The following RADIL variants were observed in gnomAD, a reference collection of about 807,000 sequenced individuals.
RADIL encodes the protein Rap associating with DIL domain.
In RADIL, 99 loss-of-function variants were observed where a neutral mutation model predicts 97.6. The ratio of observed to expected loss-of-function variants is 1.01; its 90% CI spans 0.86 to 1.20. The LOEUF is 1.20. Ranked by LOEUF, RADIL falls within the 50% of genes most tolerant of loss-of-function variation. RADIL has a pLI of 0.00. For synonymous variants in RADIL, 803 were observed against 691.8 expected, an observed-to-expected ratio of 1.16 and a Z score of -2.52; for missense variants, 1,765 against 1,498.9, an observed-to-expected ratio of 1.18 and a Z score of -2.93.
chr7:4,861,582 T>C (rs1783999038), intron 2 of RADIL: 1 of 1,613,510 alleles, frequency 6.2e-7, no homozygotes, highest in Non-Finnish European at 8.5e-7. Context: ...ATTTCGCGTA[T>C]CCATTCCTTT....
chr7:4,802,782 C>T (rs1327190582), intron 11 of RADIL, among the ~76,000 whole-genome samples: 1 of 116,730 alleles, frequency 8.6e-6, no homozygotes, highest in African/African-American at 3.6e-5. Flanking sequence ...CTGGGGGGCC[C>T]CCTCCCCAGA....
intron 2 of RADIL, among the ~76,000 whole-genome samples, chr7:4,868,628 C>T (rs1055046852): frequency 3.9e-5 from 6 of 152,182 alleles, no homozygotes; most frequent in Non-Finnish European, 8.8e-5. Flanking sequence ...GGATGTTTTG[C>T]CGTTTTCTTG....
chr7:4,879,874 T>C lies in RADIL; in HGVS notation c.-64-1671A>G, dbSNP rs1784449458. Among the ~76,000 whole-genome samples, 1 of 152,204 alleles carries C rather than the reference T, an allele frequency of 6.6e-6. No homozygotes were observed. Among genetic ancestry groups the C allele is most frequent in the Non-Finnish European group, 1.5e-5 (1 of 68,044 alleles). Reference sequence around the variant, plus strand: ...CTCTCACTGCCCGCCAGAGCTGTCATGGGTGAGTCCTGAAATCAGACCACC... The same window carrying C: ...CTCTCACTGCCCGCCAGAGCTGTCACGGGTGAGTCCTGAAATCAGACCACC... On this transcript the variant is annotated intron_variant, in intron 1 of 14. Coordinates refer to ENST00000399583, the MANE Select transcript of RADIL (RefSeq NM_018059.5). This position sits in a 1 kb window ranked among gnomAD's most constrained non-coding sequence, Gnocchi z 4.1.
rs1372034113 is a variant in RADIL, at chr7:4,819,933, A to G, written c.1615+2461T>C. ...AAAGGCAGCAGCTCCAACAGCCCAG[A>G]GCAATTTTTCCCATGAAGAGCAGCC... is the stretch of plus-strand genomic sequence containing the variant. On this transcript the variant is annotated intron_variant, in intron 6 of 14. Transcript: ENST00000399583. The surrounding 1 kb of genome is among the most constrained non-coding windows in gnomAD (Gnocchi z 5.8). Among the ~76,000 whole-genome samples the G allele has an allele frequency of 1.3e-5, 2 of 152,192 alleles. No homozygotes were observed. The highest frequency in any genetic ancestry group is 2.4e-5 in the African/African-American group (1 of 41,460).
intron 2 of RADIL, among the ~76,000 whole-genome samples, chr7:4,839,726 A>G (rs1783395264): frequency 6.6e-6 from 1 of 152,110 alleles, no homozygotes; most frequent in African/African-American, 2.4e-5. Context: ...GTAACTGATG[A>G]TACTTTATTT....
At chr7:4,820,149 G>GA (rs1477080312) in intron 6 of RADIL, among the ~76,000 whole-genome samples, 1 of 152,266 alleles carries the variant, frequency 6.6e-6, no homozygotes, top group Admixed American at 6.5e-5. Context: ...CTGTCACACG[G>GA]AAGGACCAAG....
At chr7:4,828,684 A>C (rs750689050) in intron 5 of RADIL, among the ~76,000 whole-genome samples, 4 of 152,168 alleles carry the variant, frequency 2.6e-5, no homozygotes, top group East Asian at 1.9e-4. Context: ...ATCACGGGGG[A>C]GTGACAGATT....
rs368958917 is a variant in RADIL, at chr7:4,842,404, G to A, written c.536-5799C>T. The stretch of plus-strand genomic sequence containing the variant: ...AACTCACTCCTGGAGGAAGCGGCGA[G>A]GGAGACAGCATGCAGCCACAGCCAC... On this transcript the variant is annotated intron_variant, in intron 2 of 14. Coordinates refer to ENST00000399583, the MANE Select transcript of RADIL (RefSeq NM_018059.5). The surrounding 1 kb of genome is among the most constrained non-coding windows in gnomAD (Gnocchi z 4.5). 6.6e-6 allele frequency among the ~76,000 whole-genome samples: 1 copy of A among 152,156 alleles called. No individual in the cohort carries two copies. The highest frequency in any genetic ancestry group is 2.4e-5 in the African/African-American group (1 of 41,442).
chr7:4,879,867 G>T lies in RADIL; in HGVS notation c.-64-1664C>A, dbSNP rs1303942984. Reference sequence around the variant, plus strand: ...CTGGAGCCTCTCACTGCCCGCCAGAGCTGTCATGGGTGAGTCCTGAAATCA... The same window carrying T: ...CTGGAGCCTCTCACTGCCCGCCAGATCTGTCATGGGTGAGTCCTGAAATCA... On this transcript the variant is annotated intron_variant, in intron 1 of 14. Transcript: ENST00000399583. The surrounding 1 kb of genome is among the most constrained non-coding windows in gnomAD (Gnocchi z 4.1). Among the ~76,000 whole-genome samples the T allele has an allele frequency of 6.6e-6, 1 of 152,210 alleles. No individual in the cohort carries two copies. Among genetic ancestry groups the T allele is most frequent in the Non-Finnish European group, 1.5e-5 (1 of 68,042 alleles).
At chr7:4,832,739 A>G (rs750170367) in intron 4 of RADIL, among the ~76,000 whole-genome samples, 1 of 124,192 alleles carries the variant, frequency 8.1e-6, no homozygotes, top group Non-Finnish European at 1.7e-5. Context: ...ACTCCGTCTC[A>G]GCAAAAAAAA....
At chr7:4,860,028 G>A (rs769190036) in intron 2 of RADIL, 1 of 1,613,962 alleles carries the variant, frequency 6.2e-7, no homozygotes, top group Admixed American at 1.7e-5. Context: ...ACAGCGTGAG[G>A]AATACTTTCG....
At chr7:4,847,474 A>G (rs911786121) in intron 2 of RADIL, among the ~76,000 whole-genome samples, 6 of 152,186 alleles carry the variant, frequency 3.9e-5, no homozygotes, top group African/African-American at 7.2e-5. Context: ...CCTGTGACTC[A>G]TAAGTTCAAC....
In RADIL at chr7:4,801,653, C is replaced by T; in HGVS notation, c.2842G>A (p.Gly948Arg). The change falls in exon 12 of 15, where the codon GGA (glycine) becomes AGA (arginine). Residue 948 changes from glycine (G) to arginine (R), a missense_variant and splice_region_variant. Gly to Arg is a moderately radical substitution (Grantham distance 125). Coordinates refer to ENST00000399583, the MANE Select transcript of RADIL (RefSeq NM_018059.5). ...LSGLRGAAPE[G>R]DSAALAEESP... ...CGCCTGAGCACCAGGCAGGGCTCACCTTCCGGAGCTGCACCCCGGAGGCCG... is the reference window on the plus strand; with the variant it reads ...CGCCTGAGCACCAGGCAGGGCTCACTTTCCGGAGCTGCACCCCGGAGGCCG... 1 of 1,593,804 alleles carries T rather than the reference C, an allele frequency of 6.3e-7. No homozygotes were observed. The highest frequency in any genetic ancestry group is 8.5e-7 in the Non-Finnish European group (1 of 1,171,642).
chr7:4,805,447 C>A (rs1782275035), intron 10 of RADIL, 119 bp downstream of exon 10: 3 of 1,283,610 alleles, frequency 2.3e-6, no homozygotes, highest in African/African-American at 3.0e-5. Flanking sequence ...CCAGGGAGGT[C>A]CCCAGGAGAG....
chr7:4,858,953 T>A (rs1245462019), intron 2 of RADIL: 1 of 152,220 alleles, frequency 6.6e-6, no homozygotes, highest in African/African-American at 2.4e-5. Flanking sequence ...ATATGGAGCT[T>A]TGATAGCTCA....
chr7:4,875,052 C>A (rs1475337181), intron 2 of RADIL, among the ~76,000 whole-genome samples: 1 of 147,568 alleles, frequency 6.8e-6, no homozygotes, highest in Non-Finnish European at 1.5e-5. Flanking sequence ...ATTAGCCGGG[C>A]GTGGTGGCGG....
At chr7:4,866,154 G>C (rs1196197248) in intron 2 of RADIL, among the ~76,000 whole-genome samples, 1 of 152,174 alleles carries the variant, frequency 6.6e-6, no homozygotes, top group Non-Finnish European at 1.5e-5. Flanking sequence ...GTGCATGTAT[G>C]TGTGTTTTAA....
At chr7:4,802,147 A>G (rs772951677) in intron 11 of RADIL, 152 bp from the exon 12 acceptor site, 5 of 654,930 alleles carry the variant, frequency 7.6e-6, no homozygotes, top group Non-Finnish European at 1.3e-5. Context: ...GAGACGCGCA[A>G]GAGGCAAAGG....
In RADIL at chr7:4,837,268, C is replaced by T. The variant is rs778711757; in HGVS notation, c.536-663G>A. On this transcript the variant is annotated intron_variant, in intron 2 of 14. Coordinates refer to ENST00000399583, the MANE Select transcript of RADIL (RefSeq NM_018059.5). The surrounding 1 kb of genome is among the most constrained non-coding windows in gnomAD (Gnocchi z 5.6). ...CGGCCCACAGGCCTCAAACCACAGACGTTTTCCCACGGCAGCCTGGGCCTC... is the reference window on the plus strand; with the variant it reads ...CGGCCCACAGGCCTCAAACCACAGATGTTTTCCCACGGCAGCCTGGGCCTC... 3.3e-5 allele frequency among the ~76,000 whole-genome samples: 5 copies of T among 152,210 alleles called. No individual in the cohort carries two copies. The highest frequency in any genetic ancestry group is 1.2e-4 in the African/African-American group (5 of 41,460).
Sources: allele counts gnomAD v4.1 joint callset (sites outside exome capture counted in the v4.1 genomes callset), GRCh38; gene constraint gnomAD v4.1.1; non-coding constraint Gnocchi (gnomAD v3.1); transcripts MANE v1.5; gene names NCBI Gene and HGNC (gene_info 2026-07-23, HGNC 2026-07-21).